MYRIP: variants seen among roughly 807,000 people sequenced by gnomAD.
The protein encoded by MYRIP is myosin VIIA and Rab interacting protein, also known as rab effector MyRIP.
MYRIP carries 49 observed loss-of-function variants against 98.0 expected under a neutral mutation model. The observed-to-expected ratio is 0.50, with a 90% CI of 0.40 to 0.63. The LOEUF is 0.63. Among genes scored for constraint, MYRIP ranks in the 30% least tolerant of loss-of-function variants. The pLI is 0.00. For synonymous variants in MYRIP, 404 were observed against 409.5 expected (o/e 0.99, Z 0.16); for missense variants, 1,004 against 1,058.2 (o/e 0.95, Z 0.71).
At chr3:39,946,780 G>T (rs909589554) in intron 2 of MYRIP, among the ~76,000 whole-genome samples, 2 of 152,122 alleles carry the variant, frequency 1.3e-5, no homozygotes. Flanking sequence ...GATAAAATGT[G>T]CCGAGCTTAT....
At chr3:39,853,735 C>A (rs985621145) in intron 1 of MYRIP, among the ~76,000 whole-genome samples, 3 of 152,108 alleles carry the variant, frequency 2.0e-5, no homozygotes, top group Middle Eastern at 3.4e-3. Context: ...ATTTCTTTTG[C>A]TGTGCAGAAG....
chr3:40,055,132 G>A (rs1039424067), intron 3 of MYRIP, among the ~76,000 whole-genome samples: 15 of 152,268 alleles, frequency 9.9e-5, no homozygotes, highest in African/African-American at 3.6e-4. Context: ...ATTTAGGTTT[G>A]TACCCAGTCT....
intron 1 of MYRIP, among the ~76,000 whole-genome samples, chr3:39,835,364 G>A (rs940527945): frequency 6.6e-6 from 1 of 152,010 alleles, no homozygotes; most frequent in Non-Finnish European, 1.5e-5. Flanking sequence ...GGGGGCGGGG[G>A]GTGTGGTGAG....
At chr3:40,027,599 G>A (rs888405325) in intron 2 of MYRIP, among the ~76,000 whole-genome samples, 1 of 152,062 alleles carries the variant, frequency 6.6e-6, no homozygotes, top group African/African-American at 2.4e-5. Flanking sequence ...TCTTCAGTCT[G>A]AGTATCCTAC....
intron 2 of MYRIP, among the ~76,000 whole-genome samples, chr3:39,947,949 C>G (rs2125715305): frequency 6.6e-6 from 1 of 152,234 alleles, no homozygotes; most frequent in Middle Eastern, 3.4e-3. Flanking sequence ...CAAGAAAATG[C>G]TCTCAAAGAT....
intron 10 of MYRIP, among the ~76,000 whole-genome samples, chr3:40,205,746 G>A (rs979005669): frequency 6.6e-6 from 1 of 151,982 alleles, no homozygotes; most frequent in Admixed American, 6.6e-5. Context: ...CAGTGAGTAT[G>A]TTTGGTGTTT....
At chr3:40,019,421 C>A (rs547001086) in intron 2 of MYRIP, among the ~76,000 whole-genome samples, 7 of 152,262 alleles carry the variant, frequency 4.6e-5, no homozygotes, top group Middle Eastern at 3.4e-3. Context: ...CCTGCACATC[C>A]TTCCTGGCCT....
Position 39,829,786 on chromosome 3 carries a change from A to C in MYRIP, c.-31+19870A>C, listed in dbSNP as rs1215337682. On this transcript the variant is annotated intron_variant, in intron 1 of 16. Transcript: ENST00000302541. ...TGAGAAACCTAAAAAAAATTGCATG[A>C]GTTGCTGTATTGTAATATTTGCTTT... Among the ~76,000 whole-genome samples, 5 of 152,276 alleles carry C rather than the reference A, an allele frequency of 3.3e-5. 1 individual carries two copies. The South Asian group carries it at 8.3e-4, about 25-fold the overall frequency.
At chr3:40,231,698 C>T (rs1022699301) in intron 11 of MYRIP, among the ~76,000 whole-genome samples, 1 of 152,174 alleles carries the variant, frequency 6.6e-6, no homozygotes, top group Middle Eastern at 3.2e-3. Context: ...TACCTTGGAC[C>T]TTTAATGCAC....
chr3:40,174,977 A>G (rs1193208171), intron 8 of MYRIP, among the ~76,000 whole-genome samples: 9 of 152,070 alleles, frequency 5.9e-5, no homozygotes, highest in Non-Finnish European at 1.3e-4. Context: ...CCCCATCTCT[A>G]TTAAAAACAC....
At chr3:40,084,615 AGATAATACACATCTATGTATTATATATC>A (rs1948570988) in intron 3 of MYRIP, among the ~76,000 whole-genome samples, 1 of 130,660 alleles carries the variant, frequency 7.7e-6, no homozygotes, top group African/African-American at 2.7e-5. Flanking sequence ...ATCTATCGAT[AGATAATACACATCTATGTATTATATATC>A]GATAATACAC....
At chr3:40,101,757 T>A (rs2125892469) in intron 3 of MYRIP, among the ~76,000 whole-genome samples, 1 of 152,370 alleles carries the variant, frequency 6.6e-6, no homozygotes, top group South Asian at 2.1e-4. Context: ...TATATTCTTA[T>A]TAATCATTTT....
At chr3:40,052,541 T>C (rs1947813071) in intron 3 of MYRIP, among the ~76,000 whole-genome samples, 1 of 152,152 alleles carries the variant, frequency 6.6e-6, no homozygotes, top group South Asian at 2.1e-4. Flanking sequence ...AAGTAGTTTT[T>C]TAAATTAAAT....
intron 1 of MYRIP, among the ~76,000 whole-genome samples, chr3:39,828,298 T>C (rs1941333825): frequency 6.6e-6 from 1 of 152,052 alleles, no homozygotes. Context: ...TCTCTCTCAT[T>C]TTTTTGTCTG....
Position 40,109,565 on chromosome 3 carries a change from G to T in MYRIP, c.333-41483G>T, listed in dbSNP as rs552057280. 7.9e-5 allele frequency among the ~76,000 whole-genome samples: 12 copies of T among 152,306 alleles called. No homozygotes were observed. In the South Asian group the frequency reaches 2.5e-3, roughly 32 times the overall value. On this transcript the variant is annotated intron_variant, in intron 3 of 16. Coordinates refer to ENST00000302541, the MANE Select transcript of MYRIP (RefSeq NM_015460.4). ...CTTGGGAGGCTGAGGCAGGAGGACT[G>T]CTTGGGGCCAGGAGTTTCAGAAGGA...
At chr3:40,129,049 C>A (rs2679806) in intron 3 of MYRIP, among the ~76,000 whole-genome samples, 1 of 151,922 alleles carries the variant, frequency 6.6e-6, no homozygotes, top group Non-Finnish European at 1.5e-5. Flanking sequence ...CAGTTCAGTT[C>A]TTTTTCCTTA....
rs553021074 is a variant in MYRIP, at chr3:40,121,449, AT to A, written c.333-29589del. On this transcript the variant is annotated intron_variant, in intron 3 of 16. Transcript: ENST00000302541. ...TGACAACTATCTGTGGCATCTGTGG[AT>A]TTTTTTTTTCACTCTTCTTCTTCTG... 8.7e-3 allele frequency among the ~76,000 whole-genome samples: 1,299 copies of A among 150,148 alleles called. 17 individuals carry two copies. The highest frequency in any genetic ancestry group is 0.029 in the African/African-American group (1,184 of 40,920).
At chr3:40,001,194 T>A (rs1946512048) in intron 2 of MYRIP, among the ~76,000 whole-genome samples, 1 of 152,138 alleles carries the variant, frequency 6.6e-6, no homozygotes, top group Non-Finnish European at 1.5e-5. Flanking sequence ...TTAGGTGAAA[T>A]GAAAAGAAGA....
intron 2 of MYRIP, among the ~76,000 whole-genome samples, chr3:39,903,277 T>C (rs1438133700): frequency 6.6e-6 from 1 of 152,236 alleles, no homozygotes; most frequent in African/African-American, 2.4e-5. Flanking sequence ...TAGGAGGTAG[T>C]ATTATTGAAC....
Sources: allele counts gnomAD v4.1 joint callset (sites outside exome capture counted in the v4.1 genomes callset), GRCh38; gene constraint gnomAD v4.1.1; transcripts MANE v1.5; gene names NCBI Gene and HGNC (gene_info 2026-07-23, HGNC 2026-07-21).